BICDL1: variants seen among roughly 807,000 people sequenced by gnomAD.
The protein encoded by BICDL1 is BICD family like cargo adaptor 1, also known as BICD family-like cargo adapter 1.
Under a neutral mutation model 76.8 loss-of-function variants are expected in BICDL1, and 20 were observed. The observed-to-expected ratio is 0.26, with a 90% confidence interval of 0.18 to 0.38. The LOEUF is 0.38. Among genes scored for constraint, BICDL1 ranks in the 10% least tolerant of loss-of-function variants. The probability of loss-of-function intolerance (pLI) is 1.00; values close to 1 mark genes in which losing one functional copy is unlikely to be tolerated. For missense variants in BICDL1, 700 were observed against 798.6 expected, an observed-to-expected ratio of 0.88 and a Z score of 1.49; for synonymous variants, 383 against 337.1, an observed-to-expected ratio of 1.14 and a Z score of -1.49.
intron 8 of BICDL1, 80 bp from the exon 9 acceptor site, chr12:120,089,871 G>T: frequency 1.3e-6 from 2 of 1,544,034 alleles, no homozygotes; most frequent in Non-Finnish European, 1.8e-6. Context: ...CCTCATCCTG[G>T]GACTCCAGGT....
In BICDL1 at chr12:119,998,572, G is replaced by C. The variant is rs1332291574; in HGVS notation, c.481G>C (p.Gly161Arg). 1.2e-6 allele frequency: 2 copies of C among 1,613,926 alleles called. No individual in the cohort carries two copies. Among genetic ancestry groups the C allele is most frequent in the African/African-American group, 2.7e-5 (2 of 75,040 alleles). Reference sequence around the variant, plus strand: ...GAGAAGACGATTTGAGAACCGAGAAGGGGAGTGGGAAGGCCGAGTGTCAGA... The same window carrying C: ...GAGAAGACGATTTGAGAACCGAGAACGGGAGTGGGAAGGCCGAGTGTCAGA... Reference protein sequence around the residue: ...ELRRRFENREGEWEGRVSELE... With the variant: ...ELRRRFENREREWEGRVSELE... Residue 161 changes from glycine to arginine, a missense_variant, in exon 2 of 10, where the codon GGG becomes CGG. By Grantham distance (125) the Gly-to-Arg change is moderately radical. Transcript: ENST00000548673.
intron 9 of BICDL1, 129 bp downstream of exon 9, chr12:120,090,200 C>T: frequency 9.0e-7 from 1 of 1,110,438 alleles, no homozygotes; most frequent in Non-Finnish European, 1.3e-6. Flanking sequence ...TCCCAGTCTT[C>T]ACCTGGCAAG....
intron 2 of BICDL1, among the ~76,000 whole-genome samples, chr12:120,060,002 C>A (rs979889998): frequency 6.6e-6 from 1 of 152,238 alleles, no homozygotes; most frequent in Admixed American, 6.5e-5. Context: ...CATGAGCCAG[C>A]GTACCCAACC....
At chr12:120,004,414 A>G (rs1012538603) in intron 2 of BICDL1, among the ~76,000 whole-genome samples, 2 of 152,218 alleles carry the variant, frequency 1.3e-5, no homozygotes, top group Non-Finnish European at 2.9e-5. Flanking sequence ...CAAAGGCTGA[A>G]TGAAGCCAAG....
intron 2 of BICDL1, among the ~76,000 whole-genome samples, chr12:120,056,149 A>G (rs1304703176): frequency 6.6e-6 from 1 of 152,226 alleles, no homozygotes; most frequent in Non-Finnish European, 1.5e-5. Context: ...CACTAATACT[A>G]GGAGTAAGTA....
At position 120,011,335 on chromosome 12, in the gene BICDL1, G is replaced by A. The variant is rs114353002; in HGVS notation, c.645+12599G>A. Among the ~76,000 whole-genome samples, 1,150 of 152,298 alleles carry A rather than the reference G, an allele frequency of 7.6e-3. 14 individuals carry two copies. The highest frequency in any genetic ancestry group is 0.025 in the African/African-American group (1,051 of 41,546). ...TTTTTGCCCAGGGAGGAGAAGAAATGGGTTGGTGAACAACTAGCCAGTGTC... is the reference window on the plus strand; with the variant it reads ...TTTTTGCCCAGGGAGGAGAAGAAATAGGTTGGTGAACAACTAGCCAGTGTC... On this transcript the variant is annotated intron_variant, in intron 2 of 9. Coordinates refer to ENST00000548673, the MANE Select transcript of BICDL1 (RefSeq NM_001367886.1).
chr12:120,057,276 A>G (rs1203620745), intron 2 of BICDL1: 8 of 361,134 alleles, frequency 2.2e-5, no homozygotes, highest in Non-Finnish European at 4.3e-5. Context: ...TGGCCTCCCA[A>G]CGTGCTGGGA....
At chr12:120,045,244 G>T (rs1356019868) in intron 2 of BICDL1, among the ~76,000 whole-genome samples, 2 of 152,128 alleles carry the variant, frequency 1.3e-5, no homozygotes, top group African/African-American at 4.8e-5. Context: ...AGTTAGAATG[G>T]CAATCATTAA....
At chr12:120,059,872 C>G (rs981708384) in intron 2 of BICDL1, among the ~76,000 whole-genome samples, 9 of 151,936 alleles carry the variant, frequency 5.9e-5, no homozygotes, top group African/African-American at 1.9e-4. Flanking sequence ...ACCACCATGC[C>G]TAGCTAATTT....
At chr12:120,041,278 T>C (rs982857554) in intron 2 of BICDL1, among the ~76,000 whole-genome samples, 3 of 152,160 alleles carry the variant, frequency 2.0e-5, no homozygotes, top group African/African-American at 7.2e-5. Flanking sequence ...AGTTTTACTC[T>C]AAAGGGAAGA....
At chr12:120,033,421 G>A (rs1270503033) in intron 2 of BICDL1, among the ~76,000 whole-genome samples, 2 of 129,032 alleles carry the variant, frequency 1.6e-5, no homozygotes, top group South Asian at 5.2e-4. Context: ...CTGTCGTCCA[G>A]GCTGGAGTGC....
At chr12:120,083,142 C>G (rs909917027) in intron 8 of BICDL1, among the ~76,000 whole-genome samples, 3 of 152,194 alleles carry the variant, frequency 2.0e-5, no homozygotes, top group Admixed American at 6.5e-5. Flanking sequence ...GGATTACAGG[C>G]ATGAGCCACC....
chr12:120,004,166 T>G (rs993983825), intron 2 of BICDL1, among the ~76,000 whole-genome samples: 7 of 152,156 alleles, frequency 4.6e-5, no homozygotes, highest in African/African-American at 1.4e-4. Flanking sequence ...AAATAATTAT[T>G]TTTTCTTTGA....
At chr12:120,085,788 A>C (rs1418446234) in intron 8 of BICDL1, among the ~76,000 whole-genome samples, 1 of 142,070 alleles carries the variant, frequency 7.0e-6, no homozygotes, top group Non-Finnish European at 1.5e-5. Context: ...TGACAGAGCA[A>C]GATCCTGCCT....
At chr12:120,009,679 G>A (rs1951916377) in intron 2 of BICDL1, among the ~76,000 whole-genome samples, 1 of 152,190 alleles carries the variant, frequency 6.6e-6, no homozygotes, top group South Asian at 2.1e-4. Flanking sequence ...ATTGCAGATG[G>A]TAGGAAGGTT....
At chr12:120,043,537 A>G (rs1463532777) in intron 2 of BICDL1, among the ~76,000 whole-genome samples, 1 of 152,248 alleles carries the variant, frequency 6.6e-6, no homozygotes, top group Non-Finnish European at 1.5e-5. Context: ...CAGCAAATCC[A>G]TGGATCAGTC....
chr12:120,040,936 G>A (rs930022553), intron 2 of BICDL1, among the ~76,000 whole-genome samples: 2 of 151,754 alleles, frequency 1.3e-5, no homozygotes, highest in African/African-American at 4.8e-5. Context: ...TAGTAGAGGA[G>A]GGGTTTCGCC....
chr12:120,054,233 C>T (rs113268983), intron 2 of BICDL1, among the ~76,000 whole-genome samples: 5,703 of 151,986 alleles, frequency 0.038, 338 homozygotes, highest in African/African-American at 0.13. Context: ...CCACCACCCC[C>T]GGCTAATTTT....
chr12:120,032,355 A>G (rs1952440634), intron 2 of BICDL1, among the ~76,000 whole-genome samples: 1 of 152,194 alleles, frequency 6.6e-6, no homozygotes, highest in African/African-American at 2.4e-5. Flanking sequence ...TGGCCTAAGT[A>G]TCTTATGGCC....
Sources: gnomAD v4.1 joint callset for allele counts (sites outside exome capture counted in the v4.1 genomes callset) on GRCh38, gnomAD v4.1.1 for gene constraint, MANE v1.5 for transcripts, NCBI Gene and HGNC (gene_info 2026-07-23, HGNC 2026-07-21) for gene names.